CCDC32: variants seen among roughly 807,000 people sequenced by gnomAD.
CCDC32 encodes coiled-coil domain-containing protein 32.
A neutral mutation model predicts 20.1 loss-of-function variants in CCDC32; 9 were observed. That is an observed-to-expected ratio of 0.45 (90% confidence interval 0.27 to 0.78). CCDC32 has a LOEUF of 0.78. Among genes scored for constraint, CCDC32 ranks in the 30% least tolerant of loss-of-function variants. CCDC32 has a pLI of 0.16. For synonymous variants in CCDC32, 63 were observed against 79.0 expected (o/e 0.80, Z 1.07); for missense variants, 204 against 215.5 (o/e 0.95, Z 0.33).
At chr15:40,529,850 A>G (rs1888822804) in intron 3 of CCDC32, among the ~76,000 whole-genome samples, 1 of 150,918 alleles carries the variant, frequency 6.6e-6, no homozygotes, top group Non-Finnish European at 1.5e-5. Flanking sequence ...TTTAGTAGAG[A>G]CGGGGTTTCA....
At chr15:40,549,629 T>A (rs1427985851), downstream of CCDC32, among the ~76,000 whole-genome samples, 1 of 152,206 alleles carries the variant, frequency 6.6e-6, no homozygotes, top group Non-Finnish European at 1.5e-5. Flanking sequence ...TCTGCTTTAT[T>A]TAACACCATG....
chr15:40,539,416 A>G, intron 3 of CCDC32: 2 of 1,388,860 alleles, frequency 1.4e-6, no homozygotes, highest in Non-Finnish European at 2.0e-6. Context: ...TCAGAGGCAC[A>G]CACTAACAGA....
intron 3 of CCDC32, chr15:40,556,837 C>CAA (rs10647113): frequency 0.049 from 5,434 of 111,022 alleles, 436 homozygotes; most frequent in African/African-American, 0.17. Flanking sequence ...GATTCCATCT[C>CAA]AAAAAAAAAA....
intron 3 of CCDC32, among the ~76,000 whole-genome samples, chr15:40,540,454 G>A (rs546440879): frequency 6.5e-4 from 97 of 148,730 alleles, no homozygotes; most frequent in Non-Finnish European, 9.8e-4. Context: ...TGCAACCTCC[G>A]CCTCCTGGGT....
chr15:40,528,395 A>G (rs1894926384), downstream of CCDC32, among the ~76,000 whole-genome samples: 1 of 152,218 alleles, frequency 6.6e-6, no homozygotes, highest in South Asian at 2.1e-4. Context: ...AGGCAAGGCC[A>G]TCATTAACCC....
downstream of CCDC32, among the ~76,000 whole-genome samples, chr15:40,550,294 G>A (rs537062241): frequency 6.6e-6 from 1 of 152,336 alleles, no homozygotes; most frequent in Admixed American, 6.5e-5. Flanking sequence ...GAGGAAGAAG[G>A]AAGAAAGTCA....
chr15:40,563,163 G>A (rs1566986864), intron 1 of CCDC32, 136 bp from the exon 2 acceptor site: 1 of 1,060,854 alleles, frequency 9.4e-7, no homozygotes, highest in Non-Finnish European at 1.4e-6. Context: ...AGCAGTTCGA[G>A]ACCAGCCTGG....
At chr15:40,521,491 A>T in the CCDC32 span, among the ~76,000 whole-genome samples, 1 of 152,180 alleles carries the variant, frequency 6.6e-6, no homozygotes, top group East Asian at 1.9e-4. Context: ...ACTATGAATA[A>T]TGCTGCTATG....
chr15:40,540,435 T>C (rs182116926), intron 3 of CCDC32, among the ~76,000 whole-genome samples: 4 of 151,318 alleles, frequency 2.6e-5, no homozygotes, highest in Admixed American at 1.3e-4. Flanking sequence ...TGGCGTGATA[T>C]CGGCTCACTG....
chr15:40,537,405 T>C (rs1889164920), downstream of CCDC32: 1 of 152,258 alleles, frequency 6.6e-6, no homozygotes, highest in Non-Finnish European at 1.5e-5. Context: ...CAGTGAATGA[T>C]GCAGTGCCTG....
downstream of CCDC32, among the ~76,000 whole-genome samples, chr15:40,551,738 T>C (rs963091411): frequency 5.0e-5 from 7 of 140,460 alleles, no homozygotes; most frequent in Admixed American, 7.8e-5. Flanking sequence ...GCCCAGGAGG[T>C]CAAGACTGCA....
At chr15:40,526,956 T>A (rs1293820331), downstream of CCDC32, among the ~76,000 whole-genome samples, 1 of 152,142 alleles carries the variant, frequency 6.6e-6, no homozygotes, top group Non-Finnish European at 1.5e-5. Flanking sequence ...TTTACTTTCT[T>A]TTTTGAGACA....
At chr15:40,559,657 A>G (rs1226454637) in intron 2 of CCDC32, among the ~76,000 whole-genome samples, 1 of 152,188 alleles carries the variant, frequency 6.6e-6, no homozygotes, top group African/African-American at 2.4e-5. Context: ...GTACATCATT[A>G]ACAAAATCCC....
chr15:40,527,220 G>C (rs1894910420), downstream of CCDC32, among the ~76,000 whole-genome samples: 1 of 151,902 alleles, frequency 6.6e-6, no homozygotes, highest in South Asian at 2.1e-4. Flanking sequence ...ACCTAGGCTA[G>C]AGTGCAGTGG....
downstream of CCDC32, among the ~76,000 whole-genome samples, chr15:40,532,721 T>C (rs1254943420): frequency 0.012 from 1,657 of 139,882 alleles, 34 homozygotes; most frequent in African/African-American, 0.042. Flanking sequence ...TTTCTTTTTT[T>C]TTTTTTTTTT....
At chr15:40,547,178 C>T (rs1889656854) in intron 3 of CCDC32, among the ~76,000 whole-genome samples, 1 of 152,038 alleles carries the variant, frequency 6.6e-6, no homozygotes, top group South Asian at 2.1e-4. Flanking sequence ...GCTCTCATTA[C>T]CTTCAGTGCA....
chr15:40,528,529 C>T (rs1894928465), downstream of CCDC32, among the ~76,000 whole-genome samples: 1 of 152,112 alleles, frequency 6.6e-6, no homozygotes, highest in Admixed American at 6.6e-5. Flanking sequence ...TTTGCCTGTG[C>T]TCAAGGCTTG....
chr15:40,559,353 G>C (rs891290808), intron 2 of CCDC32, among the ~76,000 whole-genome samples: 2 of 152,286 alleles, frequency 1.3e-5, no homozygotes, highest in African/African-American at 4.8e-5. Context: ...CTCTCAGAGC[G>C]CTGGGATTAT....
chr15:40,560,040 C>T (rs564963971), intron 2 of CCDC32, among the ~76,000 whole-genome samples: 15 of 152,244 alleles, frequency 9.9e-5, no homozygotes, highest in African/African-American at 1.7e-4. Context: ...GATGGAGTCT[C>T]GCTCTGTTGC....
Sources: gnomAD v4.1 joint callset for allele counts (sites outside exome capture counted in the v4.1 genomes callset) on GRCh38, gnomAD v4.1.1 for gene constraint, MANE v1.5 for transcripts, NCBI Gene and HGNC (gene_info 2026-07-23, HGNC 2026-07-21) for gene names.